Variants in VTI1A observed in about 807,000 individuals in gnomAD.
VTI1A encodes the protein vesicle transport through interaction with t-SNAREs homolog 1A.
In VTI1A, 22 loss-of-function variants were observed where a neutral mutation model predicts 34.9. That is an observed-to-expected ratio of 0.63 (90% CI 0.45 to 0.90). The LOEUF (loss-of-function observed/expected upper bound fraction) is 0.90. VTI1A is among the 40% of genes least tolerant of loss of function. The pLI is 0.00. For synonymous variants in VTI1A, 87 were observed against 97.3 expected (o/e 0.89, Z 0.62); for missense variants, 268 against 275.6 (o/e 0.97, Z 0.20).
intron 3 of VTI1A, among the ~76,000 whole-genome samples, chr10:112,514,154 TG>T (rs1849700064): frequency 6.6e-6 from 1 of 151,984 alleles, no homozygotes; most frequent in Non-Finnish European, 1.5e-5. Flanking sequence ...TTTTCTTTGT[TG>T]GGAGACTTTT....
chr10:112,736,786 C>G (rs1377454850), intron 7 of VTI1A: 12 of 1,498,584 alleles, frequency 8.0e-6, no homozygotes, highest in South Asian at 2.4e-5. Context: ...CCAGAACCAG[C>G]CAGTGGAAAT....
chr10:112,456,394 G>C (rs1354869630), intron 1 of VTI1A, among the ~76,000 whole-genome samples: 6 of 148,170 alleles, frequency 4.0e-5, no homozygotes, highest in Admixed American at 1.4e-4. Context: ...TGCACTCCAG[G>C]CTGGGTGACA....
intron 5 of VTI1A, among the ~76,000 whole-genome samples, chr10:112,604,219 G>A (rs992370381): frequency 2.0e-5 from 3 of 151,966 alleles, no homozygotes; most frequent in Non-Finnish European, 4.4e-5. Context: ...TGTTAGTTTG[G>A]GTATGTTATC....
chr10:112,620,127 G>A (rs1845672925), intron 5 of VTI1A, among the ~76,000 whole-genome samples: 1 of 152,168 alleles, frequency 6.6e-6, no homozygotes. Context: ...TATTAACAGT[G>A]TGTGTTGTTC....
At chr10:112,834,750 C>T in the VTI1A span, among the ~76,000 whole-genome samples, 6 of 152,218 alleles carry the variant, frequency 3.9e-5, no homozygotes, top group African/African-American at 1.4e-4. Context: ...TCTCTGAGGC[C>T]TCTTGAAGCC....
intron 7 of VTI1A, chr10:112,677,768 G>T (rs1433221746): frequency 1.3e-5 from 2 of 152,240 alleles, no homozygotes; most frequent in African/African-American, 2.4e-5. Flanking sequence ...TGATAACGTG[G>T]TTACTGGAGA....
intron 7 of VTI1A, among the ~76,000 whole-genome samples, chr10:112,756,995 G>A (rs550535732): frequency 8.6e-5 from 13 of 150,592 alleles, no homozygotes; most frequent in South Asian, 2.1e-4. Flanking sequence ...GCAGTGAGCC[G>A]AAATTGCGCC....
At chr10:112,640,967 A>G (rs551309562) in intron 5 of VTI1A, among the ~76,000 whole-genome samples, 6 of 152,316 alleles carry the variant, frequency 3.9e-5, no homozygotes, top group South Asian at 2.1e-4. Flanking sequence ...CTAGCCAACA[A>G]TGGACCATCA....
intron 7 of VTI1A, among the ~76,000 whole-genome samples, chr10:112,792,584 C>T (rs1406616462): frequency 6.6e-6 from 1 of 152,144 alleles, no homozygotes; most frequent in Non-Finnish European, 1.5e-5. Context: ...GAGTGATTCT[C>T]CTTTATGAAA....
At chr10:112,713,533 C>T (rs1849503210) in intron 7 of VTI1A, among the ~76,000 whole-genome samples, 1 of 152,200 alleles carries the variant, frequency 6.6e-6, no homozygotes, top group Non-Finnish European at 1.5e-5. Flanking sequence ...CTCAAACTCA[C>T]ACAACTCTCA....
chr10:112,758,296 A>G (rs538880453), intron 7 of VTI1A, among the ~76,000 whole-genome samples: 1 of 152,032 alleles, frequency 6.6e-6, no homozygotes, highest in East Asian at 1.9e-4. Flanking sequence ...CATCATCTCT[A>G]AGGAGTATCT....
the VTI1A span, among the ~76,000 whole-genome samples, chr10:112,847,341 C>G: frequency 6.6e-6 from 1 of 152,104 alleles, no homozygotes; most frequent in South Asian, 2.1e-4. Context: ...CCCAAGAGGC[C>G]TCAGGCACTT....
chr10:112,783,686 A>T (rs1590180964), intron 7 of VTI1A, among the ~76,000 whole-genome samples: 1 of 152,336 alleles, frequency 6.6e-6, no homozygotes, highest in Non-Finnish European at 1.5e-5. Context: ...GAGAATTGAA[A>T]TTATGAGACA....
chr10:112,524,191 C>T (rs1019655328), intron 3 of VTI1A, among the ~76,000 whole-genome samples: 2 of 151,930 alleles, frequency 1.3e-5, no homozygotes, highest in Non-Finnish European at 2.9e-5. Context: ...TGGGTACAAT[C>T]AGCTTACTGA....
chr10:112,478,640 T>A (rs774597022), intron 3 of VTI1A, among the ~76,000 whole-genome samples: 1 of 152,202 alleles, frequency 6.6e-6, no homozygotes, highest in East Asian at 1.9e-4. Flanking sequence ...CATTTTGTTT[T>A]GTAGAAAACA....
chr10:112,546,450 T>A (rs1326265547), intron 5 of VTI1A, among the ~76,000 whole-genome samples: 1 of 152,084 alleles, frequency 6.6e-6, no homozygotes, highest in African/African-American at 2.4e-5. Context: ...CCCTATGAAA[T>A]AATTAATATG....
chr10:112,666,379 A>G lies in VTI1A; in HGVS notation c.428-1839A>G, dbSNP rs1371132021. Among the ~76,000 whole-genome samples the G allele has an allele frequency of 2.0e-5, 3 of 152,194 alleles. No homozygotes were observed. In the East Asian group the frequency reaches 5.8e-4, roughly 29 times the overall value. On this transcript the variant is annotated intron_variant, in intron 5 of 7. Coordinates refer to ENST00000393077, the MANE Select transcript of VTI1A (RefSeq NM_145206.4). ...ATTTTCTGCCATGAAAGGAATATGCAGTGCTTTTTCTGATGTGCTTTGAAA... is the reference window on the plus strand; with the variant it reads ...ATTTTCTGCCATGAAAGGAATATGCGGTGCTTTTTCTGATGTGCTTTGAAA...
intron 7 of VTI1A, among the ~76,000 whole-genome samples, chr10:112,699,495 A>G (rs1438751368): frequency 6.6e-6 from 1 of 152,246 alleles, no homozygotes; most frequent in Non-Finnish European, 1.5e-5. Flanking sequence ...TATGGTTTAT[A>G]GTTTATAAAA....
At chr10:112,774,007 A>G (rs965562415) in intron 7 of VTI1A, among the ~76,000 whole-genome samples, 2 of 152,206 alleles carry the variant, frequency 1.3e-5, no homozygotes, top group African/African-American at 4.8e-5. Flanking sequence ...CTTATTTGGC[A>G]AAAGAAGACA....
Sources: allele counts gnomAD v4.1 joint callset (sites outside exome capture counted in the v4.1 genomes callset), GRCh38; gene constraint gnomAD v4.1.1; transcripts MANE v1.5; gene names NCBI Gene and HGNC (gene_info 2026-07-23, HGNC 2026-07-21).